Variants in GEMIN5 observed in about 807,000 individuals in gnomAD.
The protein encoded by GEMIN5 is gem nuclear organelle associated protein 5, also known as gem-associated protein 5.
Under a neutral mutation model 176.9 loss-of-function variants are expected in GEMIN5, and 124 were observed. The ratio of observed to expected loss-of-function variants is 0.70; its 90% CI spans 0.61 to 0.81. GEMIN5 has a LOEUF of 0.81. GEMIN5 is among the 40% of genes least tolerant of loss of function. GEMIN5 has a pLI of 0.00. For missense variants in GEMIN5, 1,843 were observed against 1,814.6 expected (o/e 1.02, Z -0.28); for synonymous variants, 673 against 665.2 (o/e 1.01, Z -0.18).
chr5:154,933,299 C>T (rs1764203845), intron 3 of GEMIN5, among the ~76,000 whole-genome samples: 1 of 152,200 alleles, frequency 6.6e-6, no homozygotes, highest in African/African-American at 2.4e-5. Context: ...TAAAACTGCA[C>T]ATAAATGCTA....
chr5:154,932,310 A>G (rs1230432629), intron 3 of GEMIN5, 60 bp from the exon 4 acceptor site: 1 of 1,314,912 alleles, frequency 7.6e-7, no homozygotes, highest in East Asian at 2.4e-5. Flanking sequence ...AGTCTCTAGT[A>G]AACATTTTGG....
At chr5:154,931,967 C>G (rs1047624686) in intron 4 of GEMIN5, 132 bp downstream of exon 4, 3 of 724,728 alleles carry the variant, frequency 4.1e-6, no homozygotes, top group Non-Finnish European at 6.7e-6. Flanking sequence ...GAGCCGAGAT[C>G]ACGCTCCAGC....
intron 15 of GEMIN5, among the ~76,000 whole-genome samples, 169 bp from the exon 16 acceptor site, chr5:154,907,987 G>C (rs1045462524): frequency 6.6e-6 from 1 of 151,816 alleles, no homozygotes; most frequent in Non-Finnish European, 1.5e-5. Context: ...AAACCCTTTT[G>C]AAATTTCATT....
intron 13 of GEMIN5, among the ~76,000 whole-genome samples, chr5:154,914,522 T>C (rs1582664882): frequency 6.6e-6 from 1 of 151,178 alleles, no homozygotes; most frequent in African/African-American, 2.4e-5. Flanking sequence ...TTTTTTTTTT[T>C]TTTTTTAAAG....
intron 9 of GEMIN5, among the ~76,000 whole-genome samples, chr5:154,923,749 G>C (rs749921134): frequency 2.6e-5 from 4 of 152,194 alleles, no homozygotes; most frequent in Non-Finnish European, 5.9e-5. Context: ...CAATAAGGTA[G>C]CCATTAGTCA....
At chr5:154,913,081 AC>A in intron 13 of GEMIN5, 43 bp from the exon 14 acceptor site, 4 of 1,521,134 alleles carry the variant, frequency 2.6e-6, no homozygotes, top group Non-Finnish European at 3.6e-6. Context: ...ACTACTAATA[AC>A]AAAAAACAAA....
chr5:154,904,447 C>A lies in GEMIN5; in HGVS notation c.2632+60G>T, dbSNP rs1763528560. ...GGCATTCATTTAATAAATAAGTAAA[C>A]ATCCCTTATATACCAGTCCCGGAAG... On this transcript the variant is annotated intron_variant, in intron 18 of 27. Transcript: ENST00000285873. The A allele has an allele frequency of 7.1e-6, 10 of 1,406,992 alleles. No individual in the cohort carries two copies. The South Asian group carries it at 1.1e-4, about 16-fold the overall frequency. 87.2% of individuals were successfully genotyped at this position (1,406,992 alleles called of 1,614,324 possible).
At chr5:154,928,714 G>A in intron 5 of GEMIN5, 55 bp from the exon 6 acceptor site, 2 of 1,543,586 alleles carry the variant, frequency 1.3e-6, no homozygotes, top group African/African-American at 1.4e-5. Flanking sequence ...CTACATGCAT[G>A]AAGTCACCGG....
chr5:154,889,362 C>G lies in GEMIN5; in HGVS notation c.4318G>C (p.Glu1440Gln). Residue 1440 changes from glutamate to glutamine, a missense_variant, in exon 27 of 28, where the codon GAG (glutamate) becomes CAG (glutamine). Coordinates refer to ENST00000285873, the MANE Select transcript of GEMIN5 (RefSeq NM_015465.5). ...AATTTCGCCATTCTCTGATTTGCCT[C>G]GGTAAGCCTTTTGGTTAACTCAGGC... The part of the protein sequence containing the change: ...SLPELTKRLT[E>Q]ANQRMAKFPE... The G allele has an allele frequency of 6.2e-7, 1 of 1,610,528 alleles. No individual in the cohort carries two copies. The highest frequency in any genetic ancestry group is 2.2e-5 in the East Asian group (1 of 44,830).
At chr5:154,910,193 T>G (rs12188149) in intron 15 of GEMIN5, among the ~76,000 whole-genome samples, 15,018 of 152,060 alleles carry the variant, frequency 0.099, 839 homozygotes, top group Admixed American at 0.15. Flanking sequence ...TTGTTACCAG[T>G]TTTTGGTGAT....
At chr5:154,931,662 CTT>C in intron 4 of GEMIN5, 85 bp from the exon 5 acceptor site, 1 of 1,106,710 alleles carries the variant, frequency 9.0e-7, no homozygotes, top group Non-Finnish European at 1.3e-6. Context: ...GTTTCCAAAA[CTT>C]AGCTATCTCT....
chr5:154,917,157 G>C lies in GEMIN5; in HGVS notation c.1696C>G (p.Pro566Ala). ...ATAGTACAGATCAGTTTCAGGTTGG[G>C]AATCTGAAATATTTCTATTGATCTG... ...EDGSIEIFQI[P>A]NLKLICTIQQ... is the part of the protein sequence containing the mutation. The change falls in exon 13 of 28, where the codon CCC (proline) becomes GCC (alanine). Residue 566 changes from proline to alanine, a missense_variant. Physicochemically the swap from Pro to Ala is conservative, Grantham distance 27 (BLOSUM62 -1). Coordinates refer to ENST00000285873, the MANE Select transcript of GEMIN5 (RefSeq NM_015465.5). 6.7e-7 allele frequency: 1 copy of C among 1,497,354 alleles called. No individual in the cohort carries two copies. The highest frequency in any genetic ancestry group is 9.0e-7 in the Non-Finnish European group (1 of 1,106,812). The allele number at this position is 1,497,354 out of a possible 1,614,324, so 92.8% of individuals were successfully genotyped here. A position where few individuals can be genotyped will look rare whatever the true frequency, so the allele number is the denominator to read the frequency against.
chr5:154,937,460 A>C (rs1234341216), intron 1 of GEMIN5, among the ~76,000 whole-genome samples: 2 of 152,244 alleles, frequency 1.3e-5, no homozygotes, highest in Non-Finnish European at 2.9e-5. Flanking sequence ...AAGCAGCTCA[A>C]ATAATGTGAA....
intron 15 of GEMIN5, among the ~76,000 whole-genome samples, chr5:154,911,496 G>A (rs1763698694): frequency 6.6e-6 from 1 of 152,108 alleles, no homozygotes; most frequent in South Asian, 2.1e-4. Context: ...CTGGGCAACA[G>A]AGCGAGACTC....
chr5:154,908,172 CT>C lies in GEMIN5; in HGVS notation c.2168-355del, dbSNP rs386405383. Among the ~76,000 whole-genome samples, 442 of 73,060 alleles carry C rather than the reference CT, an allele frequency of 6.0e-3. 1 individual carries two copies. Among genetic ancestry groups the C allele is most frequent in the East Asian group, 0.01 (18 of 1,720 alleles). 47.9% of individuals were successfully genotyped at this position (73,060 alleles called of 152,430 possible). ...GTTCTGCCAATTTTACCCAGATGTCCTTTTTTTTTTTTTTTTTTTTTTTTTT... is the reference window on the plus strand; with the variant it reads ...GTTCTGCCAATTTTACCCAGATGTCCTTTTTTTTTTTTTTTTTTTTTTTTT... On this transcript the variant is annotated intron_variant, in intron 15 of 27. Transcript: ENST00000285873.
chr5:154,903,824 T>C (rs1408518238), intron 18 of GEMIN5, among the ~76,000 whole-genome samples: 1 of 151,584 alleles, frequency 6.6e-6, no homozygotes, highest in Admixed American at 6.6e-5. Context: ...GAAAAAAAAA[T>C]TAAAAAAAAA....
chr5:154,889,479 T>C (rs1763182510), intron 26 of GEMIN5, 62 bp from the exon 27 acceptor site: 4 of 907,680 alleles, frequency 4.4e-6, no homozygotes, highest in East Asian at 5.0e-5. Flanking sequence ...TTTTCTCCCA[T>C]TGTTATTTTA....
In GEMIN5 at chr5:154,928,392, A is replaced by G. The variant is rs1033716001; in HGVS notation, c.914+135T>C. On this transcript the variant is annotated intron_variant, in intron 6 of 27. Coordinates refer to ENST00000285873, the MANE Select transcript of GEMIN5 (RefSeq NM_015465.5). Reference sequence around the variant, plus strand: ...TCTGTTAGTAGATAGCACAGGCATTAGTCTCATAATTTTTCCATTTCAAAT... The same window carrying G: ...TCTGTTAGTAGATAGCACAGGCATTGGTCTCATAATTTTTCCATTTCAAAT... The G allele has an allele frequency of 4.1e-6, 3 of 734,394 alleles. No homozygotes were observed. The East Asian group carries it at 7.4e-5, about 18-fold the overall frequency. The allele number at this position is 734,394 out of a possible 1,614,324, so 45.5% of individuals were successfully genotyped here.
chr5:154,934,501 G>T (rs923463331), intron 3 of GEMIN5, among the ~76,000 whole-genome samples: 13 of 152,020 alleles, frequency 8.6e-5, no homozygotes, highest in African/African-American at 3.1e-4. Flanking sequence ...TAGTAGAGAT[G>T]GGGCTTCACC....
Sources: allele counts gnomAD v4.1 joint callset (sites outside exome capture counted in the v4.1 genomes callset), GRCh38; gene constraint gnomAD v4.1.1; transcripts MANE v1.5; gene names NCBI Gene and HGNC (gene_info 2026-07-23, HGNC 2026-07-21).